Variants in VPS37D observed in about 807,000 individuals in gnomAD.
The protein encoded by VPS37D is VPS37D subunit of ESCRT-I.
Under a neutral mutation model 22.0 loss-of-function variants are expected in VPS37D, and 5 were observed. The ratio of observed to expected loss-of-function variants is 0.23; its 90% CI spans 0.12 to 0.48. VPS37D has a LOEUF of 0.48. Among genes scored for constraint, VPS37D ranks in the 20% least tolerant of loss-of-function variants. VPS37D has a pLI of 0.99. For synonymous variants in VPS37D, 174 were observed against 159.3 expected (o/e 1.09, Z -0.69); for missense variants, 384 against 345.8 (o/e 1.11, Z -0.88).
At position 73,670,938 on chromosome 7, in the gene VPS37D, G is replaced by A. The variant is rs1439616713; in HGVS notation, c.394-76G>A. 5.2e-6 allele frequency: 8 copies of A among 1,547,518 alleles called. 1 individual carries two copies. In the East Asian group the frequency reaches 1.8e-4, roughly 36 times the overall value. On this transcript the variant is annotated intron_variant, in intron 3 of 3. Transcript: ENST00000324941. The stretch of plus-strand genomic sequence containing the variant: ...GGTGATCACCATGGGGAGGGCCTCA[G>A]GGTGGGAAGGAGTGAGGACCAGTCC...
chr7:73,668,292 G>A (rs1265330444), intron 1 of VPS37D, among the ~76,000 whole-genome samples, 196 bp downstream of exon 1: 1 of 151,742 alleles, frequency 6.6e-6, no homozygotes, highest in Non-Finnish European at 1.5e-5. Flanking sequence ...GTGGGGCGCC[G>A]GGGACCCGAG....
chr7:73,671,217 G>A lies in VPS37D; in HGVS notation c.597G>A (p.Leu199=), dbSNP rs781902017. The stretch of plus-strand genomic sequence containing the variant: ...AATCCTTCCCGGCTGCAGCTGTCCT[G>A]CCCACTGGGGCCGCCCGGGGGCCAC... ...PPKSFPAAAV[L]PTGAARGPPA... Residue 199 remains leucine, a synonymous_variant, in exon 4 of 4, where the codon CTG becomes CTA. Transcript: ENST00000324941. The A allele has an allele frequency of 5.1e-5, 80 of 1,569,236 alleles. No homozygotes were observed. The East Asian group carries it at 1.8e-3, about 35-fold the overall frequency.
intron 1 of VPS37D, among the ~76,000 whole-genome samples, chr7:73,668,734 G>A (rs1210610153): frequency 6.6e-6 from 1 of 152,056 alleles, no homozygotes; most frequent in East Asian, 1.9e-4. Flanking sequence ...CGTTCTCCAG[G>A]GGCAGGGAGG....
In VPS37D at chr7:73,671,045, A is replaced by G; in HGVS notation, c.425A>G (p.Gln142Arg). The G allele has an allele frequency of 6.2e-7, 1 of 1,612,462 alleles. No individual in the cohort carries two copies. The highest frequency in any genetic ancestry group is 1.7e-5 in the Admixed American group (1 of 60,000). The part of the protein sequence containing the change: ...EQMEQLLLGE[Q>R]SLEAFLPAFQ... ...ATGGAGCAGCTGCTGCTCGGGGAGC[A>G]AAGCCTGGAGGCCTTCCTGCCTGCC... is the stretch of plus-strand genomic sequence containing the variant. The change falls in exon 4 of 4, where the codon CAA becomes CGA. Residue 142 changes from glutamine to arginine, a missense_variant. Gln to Arg is a conservative substitution (Grantham distance 43, BLOSUM62 1). Coordinates refer to ENST00000324941, the MANE Select transcript of VPS37D (RefSeq NM_001077621.2).
chr7:73,668,049 CT>C lies in VPS37D; in HGVS notation c.93del (p.Gln32ArgfsTer92). On this transcript the variant is annotated frameshift_variant, in exon 1 of 4. Transcript: ENST00000324941. LOFTEE classifies it high-confidence loss of function. ...CAGCACCGGGCAGCTCCGGGACCTG[CT>C]TCAGGATGAGCCCAAGCTGGACCGG... ...ILSTGQLRDLLQDEPKLDRIV... is the reference protein window; with the variant it reads ...ILSTGQLRDLXQDEPKLDRIV... 8.5e-7 allele frequency: 1 copy of C among 1,170,438 alleles called. No homozygotes were observed. 72.5% of individuals were successfully genotyped at this position (1,170,438 alleles called of 1,614,324 possible). A position where few individuals can be genotyped will look rare whatever the true frequency, so the allele number is the denominator to read the frequency against.
At chr7:73,669,339 C>T (rs958075378) in intron 1 of VPS37D, 80 bp from the exon 2 acceptor site, 11 of 1,443,556 alleles carry the variant, frequency 7.6e-6, no homozygotes, top group South Asian at 4.2e-5. Context: ...CAGGCACGGT[C>T]GCCCAGTAGG....
chr7:73,670,107 G>A lies in VPS37D; in HGVS notation c.393+5G>A. 1 of 1,550,890 alleles carries A rather than the reference G, an allele frequency of 6.4e-7. No individual in the cohort carries two copies. The highest frequency in any genetic ancestry group is 8.7e-7 in the Non-Finnish European group (1 of 1,146,962). On this transcript the variant is annotated splice_donor_5th_base_variant and intron_variant, in intron 3 of 3. Transcript: ENST00000324941. The stretch of plus-strand genomic sequence containing the variant: ...GAGGCGGAGCAGGAGGCAGAGGTGA[G>A]GGGAGGGGTGGCTGGGGCTGGGGGC...
intron 2 of VPS37D, 69 bp from the exon 3 acceptor site, chr7:73,669,951 G>A: frequency 6.5e-7 from 1 of 1,549,424 alleles, no homozygotes; most frequent in Non-Finnish European, 8.7e-7. Context: ...AGAATCACAT[G>A]GGGTCAGCGG....
chr7:73,669,316 T>G, intron 1 of VPS37D, 103 bp from the exon 2 acceptor site: 1 of 1,403,408 alleles, frequency 7.1e-7, no homozygotes, highest in East Asian at 2.5e-5. Flanking sequence ...ACAGGTGCCT[T>G]TGGCCTGGCC....
In VPS37D at chr7:73,671,448, G is replaced by T; in HGVS notation, c.*72G>T. 1 of 761,282 alleles carries T rather than the reference G, an allele frequency of 1.3e-6. No homozygotes were observed. The highest frequency in any genetic ancestry group is 1.9e-6 in the Non-Finnish European group (1 of 533,918). The allele number at this position is 761,282 out of a possible 1,614,324, so 47.2% of individuals were successfully genotyped here. On this transcript the variant is annotated 3_prime_UTR_variant, in exon 4 of 4. Transcript: ENST00000324941. ...GCGTGGCTCCTCCTCCTCCCCCACT[G>T]CCTGGGTGGGGGGAGGGGCAGGCCC...
intron 3 of VPS37D, 83 bp from the exon 4 acceptor site, chr7:73,670,931 G>A: frequency 6.5e-7 from 1 of 1,528,334 alleles, no homozygotes; most frequent in Admixed American, 1.8e-5. Context: ...CCATGGGGAG[G>A]GCCTCAGGGT....
At position 73,669,580 on chromosome 7, in the gene VPS37D, G is replaced by A. The variant is rs1214334790; in HGVS notation, c.300G>A (p.Leu100=). The A allele has an allele frequency of 6.3e-7, 1 of 1,590,352 alleles. No individual in the cohort carries two copies. The highest frequency in any genetic ancestry group is 8.6e-7 in the Non-Finnish European group (1 of 1,168,184). The part of the protein sequence containing the change: ...REVAENCADK[L]QRLEESMHRW... ...TGGCCGAGAACTGCGCGGACAAGCT[G>A]CAGCGACTGGGTGAGGGCACGTCTG... Residue 100 remains leucine, a synonymous_variant, in exon 2 of 4, where the codon CTG becomes CTA. Transcript: ENST00000324941.
In VPS37D at chr7:73,671,267, C is replaced by A. The variant is rs1554609732; in HGVS notation, c.647C>A (p.Pro216His). ...GPPAVPRSLP[P>H]LDSRPVPPLK... Reference sequence around the variant, plus strand: ...CCAGCAGTGCCCCGGAGCCTGCCCCCCTTGGACTCCCGCCCAGTGCCCCCA... The same window carrying A: ...CCAGCAGTGCCCCGGAGCCTGCCCCACTTGGACTCCCGCCCAGTGCCCCCA... The change falls in exon 4 of 4, where the codon CCC becomes CAC. Residue 216 changes from proline to histidine, a missense_variant. Coordinates refer to ENST00000324941, the MANE Select transcript of VPS37D (RefSeq NM_001077621.2). 1.4e-6 allele frequency: 2 copies of A among 1,480,604 alleles called. No homozygotes were observed. Among genetic ancestry groups the A allele is most frequent in the East Asian group, 5.1e-5 (2 of 39,472 alleles). The allele number at this position is 1,480,604 out of a possible 1,614,324, so 91.7% of individuals were successfully genotyped here.
At chr7:73,666,394 G>C (rs1554608644), upstream of VPS37D, among the ~76,000 whole-genome samples, 1 of 152,054 alleles carries the variant, frequency 6.6e-6, no homozygotes, top group African/African-American at 2.4e-5. Context: ...CCTGTAATGT[G>C]ACTTTGGGGA....
intron 1 of VPS37D, among the ~76,000 whole-genome samples, chr7:73,668,665 G>A (rs1355618815): frequency 6.6e-6 from 1 of 152,070 alleles, no homozygotes; most frequent in African/African-American, 2.4e-5. Context: ...AGTGTGTGTT[G>A]AAAGCAGGCA....
At position 73,669,504 on chromosome 7, in the gene VPS37D, T is replaced by G; in HGVS notation, c.224T>G (p.Leu75Arg). Residue 75 changes from leucine (L) to arginine (R), a missense_variant, in exon 2 of 4, where the codon CTG (leucine) becomes CGG (arginine). Physicochemically the swap from Leu to Arg is moderately radical, Grantham distance 102. Coordinates refer to ENST00000324941, the MANE Select transcript of VPS37D (RefSeq NM_001077621.2). The part of the protein sequence containing the change: ...AKENLALRPR[L>R]EMGRAALAIK... Reference sequence around the variant, plus strand: ...GAGAACCTGGCCCTGCGGCCCCGCCTGGAGATGGGCCGGGCTGCCCTGGCC... The same window carrying G: ...GAGAACCTGGCCCTGCGGCCCCGCCGGGAGATGGGCCGGGCTGCCCTGGCC... 6.3e-7 allele frequency: 1 copy of G among 1,583,206 alleles called. No individual in the cohort carries two copies. The highest frequency in any genetic ancestry group is 8.6e-7 in the Non-Finnish European group (1 of 1,165,100).
At chr7:73,670,756 G>T (rs1797488789) in intron 3 of VPS37D, among the ~76,000 whole-genome samples, 1 of 151,676 alleles carries the variant, frequency 6.6e-6, no homozygotes, top group Non-Finnish European at 1.5e-5. Flanking sequence ...GTTGCAGTGA[G>T]CCGAGATTGC....
chr7:73,667,915 A>G lies in VPS37D; in HGVS notation c.-44A>G. ...AGCGGAGCCGGGGCGGAGCGGGCCG[A>G]GCGGGCCGAGCCAGCAGCCGAGCTG... On this transcript the variant is annotated 5_prime_UTR_variant, in exon 1 of 4. Transcript: ENST00000324941. 1 of 764,704 alleles carries G rather than the reference A, an allele frequency of 1.3e-6. No individual in the cohort carries two copies. The allele number at this position is 764,704 out of a possible 1,614,324, so 47.4% of individuals were successfully genotyped here. A position where few individuals can be genotyped will look rare whatever the true frequency, so the allele number is the denominator to read the frequency against.
rs1191961350 is a variant in VPS37D at position 73,671,444 on chromosome 7, C to A, written c.*68C>A. On this transcript the variant is annotated 3_prime_UTR_variant, in exon 4 of 4. Coordinates refer to ENST00000324941, the MANE Select transcript of VPS37D (RefSeq NM_001077621.2). ...TGATGCGTGGCTCCTCCTCCTCCCC[C>A]ACTGCCTGGGTGGGGGGAGGGGCAG... 11 of 889,602 alleles carry A rather than the reference C, an allele frequency of 1.2e-5. No individual in the cohort carries two copies. The highest frequency in any genetic ancestry group is 1.7e-5 in the Non-Finnish European group (11 of 648,674). 55.1% of individuals were successfully genotyped at this position (889,602 alleles called of 1,614,324 possible).
Sources: allele counts gnomAD v4.1 joint callset (sites outside exome capture counted in the v4.1 genomes callset), GRCh38; gene constraint gnomAD v4.1.1; transcripts MANE v1.5; gene names NCBI Gene and HGNC (gene_info 2026-07-23, HGNC 2026-07-21).